ANKRD30BL: variants seen among roughly 807,000 people sequenced by gnomAD.
ANKRD30BL encodes putative ankyrin repeat domain-containing protein 30B-like.
ANKRD30BL carries 20 observed loss-of-function variants against 18.4 expected under a neutral mutation model. That is an observed-to-expected ratio of 1.09 (90% CI 0.77 to 1.58). The LOEUF (loss-of-function observed/expected upper bound fraction) is 1.58. Ranked by LOEUF, ANKRD30BL falls within the 40% of genes most tolerant of loss-of-function variation. The pLI is 0.00. For synonymous variants in ANKRD30BL, 72 were observed against 100.9 expected (o/e 0.71, Z 1.72); for missense variants, 224 against 268.6 (o/e 0.83, Z 1.16).
intron 1 of ANKRD30BL, among the ~76,000 whole-genome samples, chr2:132,252,478 C>T (rs1363989169): frequency 6.6e-6 from 1 of 151,594 alleles, no homozygotes; most frequent in East Asian, 2.0e-4. Context: ...ATGAGCACTG[C>T]CAGATGGGCC....
chr2:132,256,299 G>C (rs1680834624), intron 1 of ANKRD30BL, among the ~76,000 whole-genome samples: 1 of 145,242 alleles, frequency 6.9e-6, no homozygotes, highest in African/African-American at 2.5e-5. Context: ...GGAGGGAGCA[G>C]CTTGGGGTGG....
intron 1 of ANKRD30BL, among the ~76,000 whole-genome samples, chr2:132,167,782 A>ATT (rs1005807403): frequency 2.6e-5 from 4 of 152,176 alleles, no homozygotes; most frequent in African/African-American, 9.6e-5. Flanking sequence ...ATTAGAATCG[A>ATT]TTATATATAT....
At chr2:132,224,834 G>A (rs142475118) in intron 1 of ANKRD30BL, among the ~76,000 whole-genome samples, 2 of 150,106 alleles carry the variant, frequency 1.3e-5, no homozygotes, top group African/African-American at 4.9e-5. Flanking sequence ...ACTAGACAAG[G>A]GTTCTCTGAA....
chr2:132,249,800 T>G (rs1351504944), intron 1 of ANKRD30BL, among the ~76,000 whole-genome samples: 3 of 151,980 alleles, frequency 2.0e-5, no homozygotes, highest in Non-Finnish European at 4.4e-5. Context: ...TTCTGTCAAG[T>G]TTTTATGTGA....
chr2:132,152,148 C>T (rs1205016936), intron 4 of ANKRD30BL: 5 of 152,190 alleles, frequency 3.3e-5, no homozygotes, highest in Non-Finnish European at 5.9e-5. Flanking sequence ...ATGAAAATCA[C>T]AATTGCAATA....
intron 1 of ANKRD30BL, among the ~76,000 whole-genome samples, chr2:132,200,960 G>C (rs1289928185): frequency 6.6e-6 from 1 of 152,130 alleles, no homozygotes; most frequent in Non-Finnish European, 1.5e-5. Flanking sequence ...TAGATCAATG[G>C]AACAGAACAG....
intron 1 of ANKRD30BL, among the ~76,000 whole-genome samples, chr2:132,253,646 G>A (rs956503094): frequency 2.6e-5 from 4 of 152,060 alleles, no homozygotes; most frequent in South Asian, 2.1e-4. Flanking sequence ...CCGGGGGGAC[G>A]GAGTCGGCAG....
intron 1 of ANKRD30BL, among the ~76,000 whole-genome samples, chr2:132,237,370 T>G (rs1446437990): frequency 6.6e-6 from 1 of 152,090 alleles, no homozygotes; most frequent in East Asian, 1.9e-4. Flanking sequence ...ATACAGCAGT[T>G]TTGAAACACT....
chr2:132,184,305 A>G (rs952054391), intron 1 of ANKRD30BL, among the ~76,000 whole-genome samples: 9 of 152,146 alleles, frequency 5.9e-5, no homozygotes, highest in Non-Finnish European at 1.2e-4. Flanking sequence ...AATACATAGA[A>G]CCTTATTTGT....
chr2:132,198,316 CTTTCTTTCTTTTTT>C (rs1679014171), intron 1 of ANKRD30BL, among the ~76,000 whole-genome samples: 1 of 11,532 alleles, frequency 8.7e-5, no homozygotes, highest in Non-Finnish European at 2.5e-4. Context: ...TTCTTTCTTT[CTTTCTTTCTTTTTT>C]TTTTTTTTTT....
intron 4 of ANKRD30BL, among the ~76,000 whole-genome samples, chr2:132,151,708 T>C (rs1355378331): frequency 2.6e-5 from 4 of 152,136 alleles, no homozygotes; most frequent in Non-Finnish European, 5.9e-5. Context: ...GGACATTAGA[T>C]GTTCTATTCT....
At chr2:132,219,476 G>C (rs2104767951) in intron 1 of ANKRD30BL, among the ~76,000 whole-genome samples, 1 of 151,380 alleles carries the variant, frequency 6.6e-6, no homozygotes, top group South Asian at 2.1e-4. Context: ...CGGTGGAAAA[G>C]GAAATATCTT....
chr2:132,162,398 C>T (rs180924870), upstream of ANKRD30BL, among the ~76,000 whole-genome samples: 107 of 152,312 alleles, frequency 7.0e-4, no homozygotes, highest in Admixed American at 1.2e-3. Context: ...AGGGTTGGGC[C>T]CAGACCGCTG....
intron 1 of ANKRD30BL, among the ~76,000 whole-genome samples, chr2:132,234,810 G>A (rs538653617): frequency 6.6e-6 from 1 of 152,274 alleles, no homozygotes; most frequent in South Asian, 2.1e-4. Flanking sequence ...AATTGAAAAA[G>A]AGGGAATCCT....
intron 1 of ANKRD30BL, among the ~76,000 whole-genome samples, chr2:132,177,084 C>T (rs1028242986): frequency 3.3e-5 from 5 of 152,224 alleles, no homozygotes; most frequent in East Asian, 1.9e-4. Flanking sequence ...ATTTTCAATG[C>T]AAGTAGTGGC....
chr2:132,185,359 C>T (rs1007638748), intron 1 of ANKRD30BL, among the ~76,000 whole-genome samples: 1 of 152,170 alleles, frequency 6.6e-6, no homozygotes, highest in African/African-American at 2.4e-5. Context: ...GCCTGGCTAC[C>T]TTATCTGTCT....
intron 1 of ANKRD30BL, chr2:132,257,397 T>C (rs1680887910): frequency 3.1e-6 from 1 of 324,094 alleles, no homozygotes. Context: ...TCCCAACCGC[T>C]AGGACGCCGG....
intron 1 of ANKRD30BL, among the ~76,000 whole-genome samples, chr2:132,190,227 A>G (rs1249196220): frequency 6.6e-6 from 1 of 152,156 alleles, no homozygotes; most frequent in Non-Finnish European, 1.5e-5. Context: ...TTTACATAAG[A>G]ACTCCTTGAA....
At chr2:132,254,707 GC>G (rs1242994012) in intron 1 of ANKRD30BL, among the ~76,000 whole-genome samples, 1 of 152,228 alleles carries the variant, frequency 6.6e-6, no homozygotes, top group Non-Finnish European at 1.5e-5. Context: ...ACATTTAAGG[GC>G]ATCACAGACC....
Sources: allele counts gnomAD v4.1 joint callset (sites outside exome capture counted in the v4.1 genomes callset), GRCh38; gene constraint gnomAD v4.1.1; transcripts MANE v1.5; gene names NCBI Gene and HGNC (gene_info 2026-07-23, HGNC 2026-07-21).